RAD51B: variants seen among roughly 807,000 people sequenced by gnomAD.
RAD51B encodes RAD51 paralog B.
RAD51B carries 38 observed loss-of-function variants against 42.2 expected under a neutral mutation model. The ratio of observed to expected loss-of-function variants is 0.90; its 90% CI spans 0.70 to 1.18. The LOEUF (loss-of-function observed/expected upper bound fraction) is 1.18. RAD51B is among the 50% of genes most tolerant of loss of function. The pLI is 0.00. For missense variants in RAD51B, 373 were observed against 400.7 expected (o/e 0.93, Z 0.59); for synonymous variants, 154 against 145.2 (o/e 1.06, Z -0.43).
chr14:68,261,428 A>T (rs948647851), intron 7 of RAD51B, among the ~76,000 whole-genome samples: 1 of 152,202 alleles, frequency 6.6e-6, no homozygotes, highest in Non-Finnish European at 1.5e-5. Flanking sequence ...GTGGGAGTTG[A>T]GGTGAAAGAT....
Position 67,967,309 on chromosome 14 carries a change from CT to C in RAD51B, c.756+80106del, listed in dbSNP as rs1464493931. On this transcript the variant is annotated intron_variant, in intron 7 of 10. Coordinates refer to ENST00000471583, the MANE Select transcript of RAD51B (RefSeq NM_133510.4). ...CAGAGAGCCAAACCTCATTCAGCCT[CT>C]GGCCCCCTCAAATCTCATGTCCTCA... Among the ~76,000 whole-genome samples the C allele has an allele frequency of 2.6e-5, 4 of 152,176 alleles. No individual in the cohort carries two copies. In the East Asian group the frequency reaches 7.7e-4, roughly 29 times the overall value.
intron 8 of RAD51B, among the ~76,000 whole-genome samples, chr14:68,317,010 A>G (rs2082075514): frequency 6.6e-6 from 1 of 152,168 alleles, no homozygotes; most frequent in South Asian, 2.1e-4. Flanking sequence ...GCTGAAGTGA[A>G]ACAGAAATTT....
intron 7 of RAD51B, among the ~76,000 whole-genome samples, chr14:68,280,610 G>C (rs920702313): frequency 9.2e-5 from 14 of 152,206 alleles, no homozygotes; most frequent in Admixed American, 3.3e-4. Context: ...TAGTGAACGT[G>C]AGTTTCCTCT....
At chr14:67,945,526 C>T (rs1191431510) in intron 7 of RAD51B, among the ~76,000 whole-genome samples, 1 of 152,020 alleles carries the variant, frequency 6.6e-6, no homozygotes, top group East Asian at 1.9e-4. Flanking sequence ...GTTGCTTTGT[C>T]GCCCAGACTG....
intron 11 of RAD51B, among the ~76,000 whole-genome samples, chr14:68,678,963 C>G (rs1332394251): frequency 1.3e-5 from 2 of 152,150 alleles, no homozygotes; most frequent in Non-Finnish European, 2.9e-5. Flanking sequence ...TCTGACCCAC[C>G]TCTTCCCTTC....
At chr14:68,648,006 T>TAG (rs1892596552) in intron 10 of RAD51B, among the ~76,000 whole-genome samples, 1 of 95,526 alleles carries the variant, frequency 1.0e-5, no homozygotes, top group Non-Finnish European at 2.2e-5. Context: ...AAATTGAGCA[T>TAG]ATATATATAT....
intron 7 of RAD51B, among the ~76,000 whole-genome samples, chr14:68,177,329 A>G (rs2767382): frequency 0.88 from 134,555 of 152,248 alleles, 59,798 homozygotes; most frequent in East Asian, 0.99. Context: ...GTGTGCATGC[A>G]TGTGTGTATG....
intron 8 of RAD51B, among the ~76,000 whole-genome samples, chr14:68,379,459 A>C (rs1287686437): frequency 6.6e-6 from 1 of 152,208 alleles, no homozygotes; most frequent in Non-Finnish European, 1.5e-5. Context: ...GGCTTCATCC[A>C]TCTTCCTGTC....
At chr14:68,052,756 G>C (rs889554093) in intron 7 of RAD51B, among the ~76,000 whole-genome samples, 3 of 151,216 alleles carry the variant, frequency 2.0e-5, no homozygotes, top group African/African-American at 7.3e-5. Context: ...GAGTAGCTGG[G>C]ACTATGGGTG....
intron 8 of RAD51B, among the ~76,000 whole-genome samples, chr14:68,319,344 A>G (rs548991905): frequency 6.6e-6 from 1 of 152,208 alleles, no homozygotes; most frequent in African/African-American, 2.4e-5. Context: ...TTCATTGTTT[A>G]CCTGAAATTT....
At chr14:68,315,773 T>C (rs922544743) in intron 8 of RAD51B, among the ~76,000 whole-genome samples, 8 of 152,316 alleles carry the variant, frequency 5.3e-5, no homozygotes, top group East Asian at 1.9e-4. Flanking sequence ...CTGCCCGCCT[T>C]GGCCTCCCAA....
chr14:68,118,359 C>T (rs1002504148), intron 7 of RAD51B, among the ~76,000 whole-genome samples: 3 of 152,176 alleles, frequency 2.0e-5, no homozygotes, highest in African/African-American at 7.2e-5. Flanking sequence ...CAGCATCCCA[C>T]ATTGCATTTA....
chr14:67,914,231 C>A (rs1032629057), intron 7 of RAD51B, among the ~76,000 whole-genome samples: 2 of 152,154 alleles, frequency 1.3e-5, no homozygotes, highest in Admixed American at 6.6e-5. Flanking sequence ...GATCCACCCA[C>A]CTTGCCCTCC....
At chr14:68,401,057 A>C (rs1054260019) in intron 8 of RAD51B, among the ~76,000 whole-genome samples, 1 of 152,156 alleles carries the variant, frequency 6.6e-6, no homozygotes, top group African/African-American at 2.4e-5. Context: ...TCTTATGCCT[A>C]CTATTGTTTT....
At chr14:68,396,530 A>G (rs1211456130) in intron 8 of RAD51B, among the ~76,000 whole-genome samples, 1 of 152,254 alleles carries the variant, frequency 6.6e-6, no homozygotes, top group Non-Finnish European at 1.5e-5. Flanking sequence ...ATATATGATC[A>G]TGTACTTCTG....
chr14:68,204,219 A>G (rs2079543170), intron 7 of RAD51B, among the ~76,000 whole-genome samples: 1 of 152,190 alleles, frequency 6.6e-6, no homozygotes, highest in Non-Finnish European at 1.5e-5. Context: ...TCTTTCTTTC[A>G]CTTGAACACT....
At chr14:68,491,366 C>T (rs1884060089) in intron 10 of RAD51B, among the ~76,000 whole-genome samples, 1 of 152,246 alleles carries the variant, frequency 6.6e-6, no homozygotes, top group South Asian at 2.1e-4. Context: ...ACATCATCCA[C>T]AAACTGTCAC....
intron 7 of RAD51B, among the ~76,000 whole-genome samples, chr14:68,100,250 CTATTT>C (rs2077265678): frequency 6.6e-6 from 1 of 152,182 alleles, no homozygotes; most frequent in South Asian, 2.1e-4. Context: ...GCTTTAAAAA[CTATTT>C]TATAAGTCAT....
chr14:68,421,788 G>A (rs1261871170), intron 9 of RAD51B: 13 of 1,598,038 alleles, frequency 8.1e-6, no homozygotes, highest in East Asian at 4.5e-5. Flanking sequence ...CACAATATTC[G>A]TGCCTTCTTT....
Sources: allele counts gnomAD v4.1 joint callset (sites outside exome capture counted in the v4.1 genomes callset), GRCh38; gene constraint gnomAD v4.1.1; transcripts MANE v1.5; gene names NCBI Gene and HGNC (gene_info 2026-07-23, HGNC 2026-07-21).